DOCK11: variants seen among roughly 807,000 people sequenced by gnomAD.
DOCK11 encodes the protein dedicator of cytokinesis 11.
DOCK11 carries 70 observed loss-of-function variants against 169.1 expected under a neutral mutation model. The ratio of observed to expected loss-of-function variants is 0.41; its 90% CI spans 0.34 to 0.51. The LOEUF (loss-of-function observed/expected upper bound fraction) is 0.51. Among genes scored for constraint, DOCK11 ranks in the 20% least tolerant of loss-of-function variants. The probability of loss-of-function intolerance (pLI) is 0.10; values close to 1 mark genes in which losing one functional copy is unlikely to be tolerated. For missense variants in DOCK11, 1,166 were observed against 1,538.8 expected (o/e 0.76, Z 4.05); for synonymous variants, 529 against 541.3 (o/e 0.98, Z 0.32).
intron 35 of DOCK11, chrX:118,633,260 AAG>A (rs2015299719): frequency 8.9e-6 from 1 of 112,051 alleles, no homozygotes; most frequent in Non-Finnish European, 1.9e-5. Context: ...GTCTAAAGGC[AAG>A]ACATTCAAAG....
intron 1 of DOCK11, among the ~76,000 whole-genome samples, chrX:118,515,015 A>G (rs990479603): frequency 1.8e-5 from 2 of 111,585 alleles, no homozygotes; most frequent in African/African-American, 3.3e-5. Flanking sequence ...GATTTTAGGA[A>G]AGGATCATTT....
intron 1 of DOCK11, among the ~76,000 whole-genome samples, chrX:118,496,295 G>A (rs2057536424): frequency 3.2e-5 from 1 of 31,168 alleles, no homozygotes; most frequent in African/African-American, 1.4e-4. Context: ...GCGCCGGGAT[G>A]GAAGCAGACG....
At chrX:118,657,809 G>A (rs112548875) in intron 44 of DOCK11, among the ~76,000 whole-genome samples, 9 of 110,741 alleles carry the variant, frequency 8.1e-5, no homozygotes, top group African/African-American at 3.0e-4. Flanking sequence ...GCATAAGAAT[G>A]ATATAATGGA....
chrX:118,511,497 G>C (rs2057650851), intron 1 of DOCK11, among the ~76,000 whole-genome samples: 1 of 111,902 alleles, frequency 8.9e-6, no homozygotes, highest in South Asian at 3.7e-4. Context: ...TTTAGAAAAT[G>C]GTGTTCATTT....
intron 46 of DOCK11, among the ~76,000 whole-genome samples, chrX:118,671,710 C>T (rs187107041): frequency 2.8e-4 from 31 of 111,775 alleles, no homozygotes; most frequent in Admixed American, 2.3e-3. Context: ...GATGGAGTCT[C>T]GCTCTGTTGC....
chrX:118,549,258 C>G (rs976291067), intron 6 of DOCK11, among the ~76,000 whole-genome samples: 1 of 109,595 alleles, frequency 9.1e-6, no homozygotes, highest in Non-Finnish European at 1.9e-5. Flanking sequence ...CATTCTCCTG[C>G]CTCAGCCTCC....
intron 42 of DOCK11, 43 bp downstream of exon 42, chrX:118,652,120 A>G (rs2015960961): frequency 1.1e-6 from 1 of 914,946 alleles, no homozygotes; most frequent in Non-Finnish European, 1.6e-6. Context: ...CACCTTTGCT[A>G]TCAGGGAAGT....
rs146567803 is a variant in DOCK11 at position 118,580,166 on chromosome X, G to T, written c.1582G>T (p.Ala528Ser). 15 of 1,204,351 alleles carry T rather than the reference G, an allele frequency of 1.2e-5. No homozygotes were observed. The highest frequency in any genetic ancestry group is 1.7e-5 in the Non-Finnish European group (15 of 892,440). The change falls in exon 14 of 53, where the codon GCT (alanine) becomes TCT (serine). Residue 528 changes from alanine to serine, a missense_variant. Ala to Ser is a moderately conservative substitution (Grantham distance 99, BLOSUM62 1). Transcript: ENST00000276202. ...SRLGQYRMPF[A>S]WAARPIFKDT... Reference sequence around the variant, plus strand: ...CCTTGGACAATACAGAATGCCCTTCGCTTGGGCTGCCAGGTTTGTACAAAT... The same window carrying T: ...CCTTGGACAATACAGAATGCCCTTCTCTTGGGCTGCCAGGTTTGTACAAAT...
At chrX:118,613,701 T>G (rs1226649830) in intron 28 of DOCK11, among the ~76,000 whole-genome samples, 2 of 112,326 alleles carry the variant, frequency 1.8e-5, no homozygotes, top group Non-Finnish European at 3.8e-5. Context: ...TGGCTGAGCA[T>G]GCTGGTGCCC....
At chrX:118,529,199 G>T (rs1193397526) in intron 1 of DOCK11, among the ~76,000 whole-genome samples, 1 of 110,277 alleles carries the variant, frequency 9.1e-6, no homozygotes, top group East Asian at 2.9e-4. Context: ...CACCAGGCAG[G>T]TCTCAAACTC....
intron 31 of DOCK11, among the ~76,000 whole-genome samples, chrX:118,619,014 C>T (rs762005377): frequency 2.8e-5 from 3 of 108,013 alleles, no homozygotes; most frequent in South Asian, 4.2e-4. Flanking sequence ...AGTGCCACCA[C>T]GCCTGGCTAA....
At chrX:118,552,761 C>T (rs1603056010) in intron 6 of DOCK11, among the ~76,000 whole-genome samples, 2 of 112,371 alleles carry the variant, frequency 1.8e-5, no homozygotes, top group Admixed American at 1.9e-4. Flanking sequence ...GCCTGTAATC[C>T]CAGCAACTTA....
chrX:118,496,366 C>T (rs1248252323), intron 1 of DOCK11, among the ~76,000 whole-genome samples: 2 of 111,710 alleles, frequency 1.8e-5, no homozygotes, highest in Non-Finnish European at 3.8e-5. Context: ...CACCCAGGGT[C>T]GGGGCCGGGG....
In DOCK11 at chrX:118,496,001, G is replaced by T. The variant is rs749694050; in HGVS notation, c.30G>T (p.Arg10=). The change falls in exon 1 of 53, where the codon CGG becomes CGT. Residue 10 remains arginine, a synonymous_variant. Transcript: ENST00000276202. MAEVRKFTK[R]LSKPGTAAEL... ...CCGAAGTGCGCAAATTCACCAAACG[G>T]CTCAGCAAGCCTGGCACGGCGGCTG... is the stretch of plus-strand genomic sequence containing the variant. 68 of 1,094,657 alleles carry T rather than the reference G, an allele frequency of 6.2e-5. No homozygotes were observed. The highest frequency in any genetic ancestry group is 7.9e-5 in the Non-Finnish European group (67 of 842,909). 90.2% of individuals were successfully genotyped at this position (1,094,657 alleles called of 1,213,427 possible). A position where few individuals can be genotyped will look rare whatever the true frequency, so the allele number is the denominator to read the frequency against.
In DOCK11 at chrX:118,564,205, G is replaced by A. The variant is rs192882465; in HGVS notation, c.694-1800G>A. On this transcript the variant is annotated intron_variant, in intron 7 of 52. Transcript: ENST00000276202. ...CACCCAAAGTGCTGGGATTACAGGC[G>A]TGAGCCGCCATGCTCAGGCACCTCA... is the stretch of plus-strand genomic sequence containing the variant. 3.7e-3 allele frequency among the ~76,000 whole-genome samples: 418 copies of A among 112,368 alleles called. 1 individual carries two copies. The highest frequency in any genetic ancestry group is 0.012 in the South Asian group (32 of 2,722).
chrX:118,685,536 C>T (rs747286184), intron 52 of DOCK11, 152 bp from the exon 53 acceptor site: 81 of 658,692 alleles, frequency 1.2e-4, no homozygotes, highest in Non-Finnish European at 9.4e-5. Context: ...AGACTTAAGT[C>T]GGTAATGTTA....
At chrX:118,639,760 A>G (rs956763843) in intron 38 of DOCK11, among the ~76,000 whole-genome samples, 183 bp downstream of exon 38, 1 of 112,062 alleles carries the variant, frequency 8.9e-6, no homozygotes, top group Non-Finnish European at 1.9e-5. Context: ...TAAATTGCCA[A>G]TATGATGGGA....
At chrX:118,584,996 A>C (rs1410981713) in intron 15 of DOCK11, 45 bp from the exon 16 acceptor site, 1 of 1,161,989 alleles carries the variant, frequency 8.6e-7, no homozygotes, top group South Asian at 1.8e-5. Context: ...CAGTGCATTC[A>C]GTAATCATAA....
At chrX:118,498,765 AT>A (rs773363308) in intron 1 of DOCK11, among the ~76,000 whole-genome samples, 21 of 105,507 alleles carry the variant, frequency 2.0e-4, no homozygotes, top group African/African-American at 5.1e-4. Context: ...TTTTTTTTTT[AT>A]TTTTTTTTTA....
Sources: allele counts gnomAD v4.1 joint callset (sites outside exome capture counted in the v4.1 genomes callset), GRCh38; gene constraint gnomAD v4.1.1; transcripts MANE v1.5; gene names NCBI Gene and HGNC (gene_info 2026-07-23, HGNC 2026-07-21).